The following TANC2 variants were observed in gnomAD, a reference collection of about 807,000 sequenced individuals.
The protein encoded by TANC2 is tetratricopeptide repeat, ankyrin repeat and coiled-coil containing 2, also known as protein TANC2.
In TANC2, 26 loss-of-function variants were observed where a neutral mutation model predicts 210.5. The ratio of observed to expected loss-of-function variants is 0.12; its 90% CI spans 0.09 to 0.17. The LOEUF (loss-of-function observed/expected upper bound fraction) is 0.17. Ranked by LOEUF, TANC2 falls within the 10% of genes least tolerant of loss-of-function variation. The probability of loss-of-function intolerance (pLI) is 1.00; values close to 1 mark genes in which losing one functional copy is unlikely to be tolerated. For synonymous variants in TANC2, 931 were observed against 967.1 expected (o/e 0.96, Z 0.69); for missense variants, 2,129 against 2,608.9 (o/e 0.82, Z 4.01).
chr17:63,097,054 T>G (rs2037414185), intron 3 of TANC2, among the ~76,000 whole-genome samples: 9 of 151,904 alleles, frequency 5.9e-5, no homozygotes, highest in Admixed American at 5.9e-4. Flanking sequence ...TTTTTTTTCT[T>G]TTTCAAGAAA....
chr17:63,109,342 A>G (rs1484535569), intron 4 of TANC2, among the ~76,000 whole-genome samples: 1 of 151,676 alleles, frequency 6.6e-6, no homozygotes, highest in Non-Finnish European at 1.5e-5. Context: ...GAGAAAAGAT[A>G]ACATACAGAA....
At chr17:63,153,864 C>T (rs1414432703) in intron 5 of TANC2, 3 of 151,890 alleles carry the variant, frequency 2.0e-5, no homozygotes, top group Non-Finnish European at 2.9e-5. Context: ...ATCTGTGTAC[C>T]CACGTCTAAC....
At chr17:63,417,470 G>A (rs2048899736) in intron 26 of TANC2, among the ~76,000 whole-genome samples, 1 of 152,054 alleles carries the variant, frequency 6.6e-6, no homozygotes, top group South Asian at 2.1e-4. Flanking sequence ...GGAATGACAT[G>A]CCTGTGAGCG....
chr17:63,372,296 C>T (rs555007481), intron 14 of TANC2, among the ~76,000 whole-genome samples: 2 of 152,260 alleles, frequency 1.3e-5, no homozygotes, highest in African/African-American at 2.4e-5. Flanking sequence ...TAGCAGTGAA[C>T]GGCATCTGTA....
chr17:63,004,216 T>C (rs934884156), intron 1 of TANC2, among the ~76,000 whole-genome samples: 1 of 152,178 alleles, frequency 6.6e-6, no homozygotes, highest in South Asian at 2.1e-4. Flanking sequence ...CAACTGCTGC[T>C]CTTTTGAGGG....
At chr17:63,324,723 T>C (rs2045592810) in intron 11 of TANC2, among the ~76,000 whole-genome samples, 1 of 152,152 alleles carries the variant, frequency 6.6e-6, no homozygotes, top group Non-Finnish European at 1.5e-5. Flanking sequence ...ACACTGAATA[T>C]GGGAAAACAG....
chr17:63,094,592 A>C (rs577970356), intron 3 of TANC2, among the ~76,000 whole-genome samples: 1 of 152,308 alleles, frequency 6.6e-6, no homozygotes, highest in African/African-American at 2.4e-5. Flanking sequence ...GAAAAACTAG[A>C]AGGCAGTTCT....
chr17:63,019,812 A>G (rs1368423226), intron 2 of TANC2, among the ~76,000 whole-genome samples: 2 of 57,548 alleles, frequency 3.5e-5, no homozygotes, highest in African/African-American at 6.0e-5. Context: ...GCTGTCTTCA[A>G]TTGGATGTAT....
intron 15 of TANC2, among the ~76,000 whole-genome samples, chr17:63,387,259 G>A (rs1449288203): frequency 6.6e-6 from 1 of 152,086 alleles, no homozygotes; most frequent in African/African-American, 2.4e-5. Context: ...CCTTTAAAAC[G>A]TTCGTGTATC....
At chr17:63,152,518 A>G (rs949885870) in intron 5 of TANC2, 1 of 152,132 alleles carries the variant, frequency 6.6e-6, no homozygotes, top group Non-Finnish European at 1.5e-5. Flanking sequence ...TTCTTTTCTA[A>G]ATCAATCACA....
chr17:63,281,893 A>G (rs2044069509), intron 9 of TANC2, among the ~76,000 whole-genome samples: 1 of 152,082 alleles, frequency 6.6e-6, no homozygotes, highest in East Asian at 1.9e-4. Flanking sequence ...CCATGGATTT[A>G]TAGGAGCTAC....
At chr17:63,343,623 G>A (rs1052866317) in intron 12 of TANC2, among the ~76,000 whole-genome samples, 1 of 152,182 alleles carries the variant, frequency 6.6e-6, no homozygotes, top group African/African-American at 2.4e-5. Flanking sequence ...AAGGAATTTA[G>A]GCTAGGCTTG....
chr17:63,302,028 A>T (rs188047587), intron 9 of TANC2, among the ~76,000 whole-genome samples: 1 of 152,062 alleles, frequency 6.6e-6, no homozygotes, highest in African/African-American at 2.4e-5. Flanking sequence ...CCTTAATTTC[A>T]TTATTTACCC....
chr17:63,195,887 A>G (rs985973853), intron 6 of TANC2, among the ~76,000 whole-genome samples: 1 of 151,002 alleles, frequency 6.6e-6, no homozygotes, highest in Admixed American at 6.6e-5. Flanking sequence ...ATCACTTCCT[A>G]CCCCTCTCCC....
intron 10 of TANC2, among the ~76,000 whole-genome samples, chr17:63,315,952 T>C (rs2045300474): frequency 6.6e-6 from 1 of 152,228 alleles, no homozygotes; most frequent in South Asian, 2.1e-4. Context: ...AGTTTCTAAA[T>C]GAAGCTCTTC....
At chr17:63,019,821 ATG>A (rs71155966) in intron 2 of TANC2, among the ~76,000 whole-genome samples, 144,067 of 152,148 alleles carry the variant, frequency 0.95, 68,301 homozygotes, top group South Asian at 0.99. Context: ...AATTGGATGT[ATG>A]TGTGTGTGTG....
intron 11 of TANC2, among the ~76,000 whole-genome samples, chr17:63,337,609 TC>T (rs2046077026): frequency 7.2e-6 from 1 of 139,702 alleles, no homozygotes; most frequent in African/African-American, 2.8e-5. Context: ...TTCTTTCCAA[TC>T]TTTTTTTTTT....
Position 63,412,062 on chromosome 17 carries a change from T to C in TANC2, c.3830T>C (p.Leu1277Ser). 1 of 1,613,864 alleles carries C rather than the reference T, an allele frequency of 6.2e-7. No homozygotes were observed. Among genetic ancestry groups the C allele is most frequent in the Non-Finnish European group, 8.5e-7 (1 of 1,179,846 alleles). ...GTTGACTACAGTGGAATGCGCCCTT[T>C]GGATAGGGCAGTGGGGTGCCGGAAC... is the stretch of plus-strand genomic sequence containing the variant. The change falls in exon 23 of 28, where the codon TTG becomes TCG. Residue 1277 changes from leucine (L) to serine (S), a missense_variant. By Grantham distance (145) the Leu-to-Ser change is moderately radical (BLOSUM62 -2). This residue lies in a region of TANC2 where 644 missense variants were observed against 937.5 expected (regional missense o/e 0.69). Coordinates refer to ENST00000689528, the Ensembl canonical transcript of TANC2. The surrounding 1 kb of genome is among the most constrained non-coding windows in gnomAD (Gnocchi z 4.2).
chr17:63,044,521 T>C (rs1355003462), intron 2 of TANC2, among the ~76,000 whole-genome samples: 3 of 152,142 alleles, frequency 2.0e-5, no homozygotes, highest in African/African-American at 7.2e-5. Context: ...TGAATTTGAA[T>C]TTTCTGGTCT....
Sources: allele counts gnomAD v4.1 joint callset (sites outside exome capture counted in the v4.1 genomes callset), GRCh38; gene constraint gnomAD v4.1.1; regional missense constraint gnomAD v4.1.1; non-coding constraint Gnocchi (gnomAD v3.1); transcripts MANE v1.5; gene names NCBI Gene and HGNC (gene_info 2026-07-23, HGNC 2026-07-21).